FARS2: variants seen among roughly 807,000 people sequenced by gnomAD.
The protein encoded by FARS2 is phenylalanyl-tRNA synthetase 2, mitochondrial.
A neutral mutation model predicts 46.4 loss-of-function variants in FARS2; 40 were observed. The observed-to-expected ratio is 0.86, with a 90% CI of 0.67 to 1.12. The LOEUF (loss-of-function observed/expected upper bound fraction) is 1.12, where lower values mean the gene tolerates loss of function less well. FARS2 is among the 50% of genes most tolerant of loss of function. The pLI is 0.00. For missense variants in FARS2, 513 were observed against 567.9 expected (o/e 0.90, Z 0.98); for synonymous variants, 234 against 214.9 (o/e 1.09, Z -0.78).
At chr6:5,565,460 CT>C (rs1772270905) in intron 5 of FARS2, among the ~76,000 whole-genome samples, 1 of 152,144 alleles carries the variant, frequency 6.6e-6, no homozygotes, top group African/African-American at 2.4e-5. Flanking sequence ...GATAAACTGT[CT>C]TTTGAGAAGG....
At chr6:5,460,672 C>G (rs749843585) in intron 4 of FARS2, among the ~76,000 whole-genome samples, 1 of 152,176 alleles carries the variant, frequency 6.6e-6, no homozygotes, top group African/African-American at 2.4e-5. Context: ...GCTACTGCCT[C>G]TTGATACCCA....
At chr6:5,606,268 A>G (rs1022277932) in intron 5 of FARS2, among the ~76,000 whole-genome samples, 3 of 152,050 alleles carry the variant, frequency 2.0e-5, no homozygotes, top group Admixed American at 2.0e-4. Context: ...GGATAAAGCT[A>G]CACCGCTTCC....
intron 6 of FARS2, among the ~76,000 whole-genome samples, chr6:5,661,446 AG>A (rs1393162934): frequency 6.6e-6 from 1 of 152,200 alleles, no homozygotes; most frequent in Non-Finnish European, 1.5e-5. Context: ...GAGAAGAGCA[AG>A]GGGCTTTGCA....
intron 1 of FARS2, among the ~76,000 whole-genome samples, chr6:5,360,815 T>C (rs1328976096): frequency 2.0e-5 from 3 of 152,136 alleles, no homozygotes; most frequent in African/African-American, 7.2e-5. Context: ...AGTTTAAAAT[T>C]TATGATGTTA....
chr6:5,673,038 C>T (rs1561791540), intron 6 of FARS2, among the ~76,000 whole-genome samples: 1 of 152,176 alleles, frequency 6.6e-6, no homozygotes, highest in African/African-American at 2.4e-5. Flanking sequence ...TCTGCCTTTG[C>T]AGTTTAGCAT....
intron 3 of FARS2, among the ~76,000 whole-genome samples, chr6:5,405,807 C>G (rs1413898407): frequency 6.6e-6 from 1 of 152,096 alleles, no homozygotes; most frequent in Non-Finnish European, 1.5e-5. Flanking sequence ...GAGCAAGGTT[C>G]TTAACCATGT....
chr6:5,267,977 G>GT (rs1352355608), intron 1 of FARS2, among the ~76,000 whole-genome samples: 2 of 151,748 alleles, frequency 1.3e-5, no homozygotes, highest in South Asian at 2.1e-4. Flanking sequence ...TTTTTCATGT[G>GT]TTTTTTGGCT....
chr6:5,412,155 C>A (rs989382987), intron 3 of FARS2, among the ~76,000 whole-genome samples: 2 of 152,130 alleles, frequency 1.3e-5, no homozygotes, highest in Non-Finnish European at 2.9e-5. Flanking sequence ...CCCAGCATGC[C>A]CTCCGAGGGT....
chr6:5,415,634 G>T (rs1024815411), intron 3 of FARS2, among the ~76,000 whole-genome samples: 1 of 152,036 alleles, frequency 6.6e-6, no homozygotes, highest in Non-Finnish European at 1.5e-5. Context: ...TGTTTTCTTA[G>T]TTGATAATGA....
intron 6 of FARS2, among the ~76,000 whole-genome samples, chr6:5,750,698 G>A (rs575980400): frequency 6.6e-6 from 1 of 152,254 alleles, no homozygotes; most frequent in South Asian, 2.1e-4. Context: ...AGAACGAACA[G>A]GATTGGTGTG....
At chr6:5,582,886 AT>A (rs1342982843) in intron 5 of FARS2, among the ~76,000 whole-genome samples, 3 of 152,210 alleles carry the variant, frequency 2.0e-5, no homozygotes, top group Non-Finnish European at 4.4e-5. Context: ...ATGATGGTTG[AT>A]TTTTGACTGC....
intron 3 of FARS2, among the ~76,000 whole-genome samples, chr6:5,409,703 C>G (rs1468743144): frequency 6.6e-6 from 1 of 152,190 alleles, no homozygotes; most frequent in Non-Finnish European, 1.5e-5. Flanking sequence ...GGTTCACACG[C>G]ATCAGAATCT....
intron 5 of FARS2, among the ~76,000 whole-genome samples, chr6:5,568,479 G>T (rs568551284): frequency 6.6e-6 from 1 of 152,178 alleles, no homozygotes; most frequent in African/African-American, 2.4e-5. Context: ...GCACTAGTGA[G>T]GGAGGGGCAT....
chr6:5,428,849 A>G (rs1218308606), intron 3 of FARS2, among the ~76,000 whole-genome samples: 1 of 152,162 alleles, frequency 6.6e-6, no homozygotes, highest in Non-Finnish European at 1.5e-5. Flanking sequence ...CTGCAACAAG[A>G]CCAGCTTTTT....
intron 2 of FARS2, among the ~76,000 whole-genome samples, chr6:5,392,837 ATG>A (rs1760628602): frequency 9.1e-6 from 1 of 110,204 alleles, no homozygotes; most frequent in African/African-American, 3.1e-5. Context: ...ATATACATAT[ATG>A]TGTGTATATA....
At chr6:5,434,477 A>G (rs1180674321) in intron 4 of FARS2, among the ~76,000 whole-genome samples, 1 of 152,218 alleles carries the variant, frequency 6.6e-6, no homozygotes, top group Admixed American at 6.5e-5. Context: ...AGACAATTTT[A>G]TAGAACGGAT....
intron 4 of FARS2, among the ~76,000 whole-genome samples, chr6:5,456,240 A>G (rs1764851307): frequency 6.6e-6 from 1 of 152,022 alleles, no homozygotes; most frequent in Non-Finnish European, 1.5e-5. Flanking sequence ...CAAAAAATAA[A>G]CAAATATTTA....
At chr6:5,603,322 A>G (rs1171989312) in intron 5 of FARS2, among the ~76,000 whole-genome samples, 1 of 152,148 alleles carries the variant, frequency 6.6e-6, no homozygotes, top group African/African-American at 2.4e-5. Flanking sequence ...GAGCCTCTGT[A>G]GATTTAGACA....
chr6:5,705,591 G>T (rs888553922), intron 6 of FARS2, among the ~76,000 whole-genome samples: 1 of 152,336 alleles, frequency 6.6e-6, no homozygotes, highest in Middle Eastern at 3.4e-3. Context: ...AGAGGGCACA[G>T]TGCTTCCGCA....
Sources: gnomAD v4.1 joint callset for allele counts (sites outside exome capture counted in the v4.1 genomes callset) on GRCh38, gnomAD v4.1.1 for gene constraint, MANE v1.5 for transcripts, NCBI Gene and HGNC (gene_info 2026-07-23, HGNC 2026-07-21) for gene names.